The following ROCK2 variants were observed in gnomAD, a reference collection of about 807,000 sequenced individuals.
ROCK2 encodes Rho associated coiled-coil containing protein kinase 2.
In ROCK2, 61 loss-of-function variants were observed where a neutral mutation model predicts 195.1. The ratio of observed to expected loss-of-function variants is 0.31; its 90% CI spans 0.25 to 0.39. The LOEUF (loss-of-function observed/expected upper bound fraction) is 0.39. ROCK2 is among the 10% of genes least tolerant of loss of function. The pLI, the probability that ROCK2 is intolerant of heterozygous loss-of-function variation, is 1.00. For missense variants in ROCK2, 1,109 were observed against 1,637.4 expected, an observed-to-expected ratio of 0.68 and a Z score of 5.57; for synonymous variants, 504 against 545.5, an observed-to-expected ratio of 0.92 and a Z score of 1.06.
chr2:11,311,596 T>C (rs1572393864), intron 1 of ROCK2, among the ~76,000 whole-genome samples: 1 of 152,170 alleles, frequency 6.6e-6, no homozygotes, highest in Admixed American at 6.5e-5. Flanking sequence ...TAGATTAAGG[T>C]AGTCTGCCTC....
chr2:11,268,831 CG>C (rs896755002), intron 3 of ROCK2, among the ~76,000 whole-genome samples: 6 of 152,184 alleles, frequency 3.9e-5, no homozygotes, highest in Admixed American at 3.3e-4. Flanking sequence ...CATCAAAATT[CG>C]GGAGTTTACA....
At chr2:11,226,912 G>C (rs1427754715) in intron 6 of ROCK2, among the ~76,000 whole-genome samples, 1 of 100,792 alleles carries the variant, frequency 9.9e-6, no homozygotes, top group South Asian at 3.2e-4. Flanking sequence ...CCCTGCCTCA[G>C]AAAAAAAAAA....
rs752863530 is a variant in ROCK2 at position 11,224,324 on chromosome 2, A to G, written c.1005T>C (p.Asp335=). 8.1e-6 allele frequency: 13 copies of G among 1,610,320 alleles called. No individual in the cohort carries two copies. The South Asian group carries it at 1.2e-4, about 15-fold the overall frequency. ...AKNLICAFLT[D]REVRLGRNGV... is the part of the protein sequence containing the mutation. ...CAAAGAAATTCAATGTACATTACCT[A>G]TCTGTTAAGAAAGCACAGATGAGAT... is the stretch of plus-strand genomic sequence containing the variant. The change falls in exon 7 of 33, where the codon GAT becomes GAC. Residue 335 remains aspartate, a splice_region_variant and synonymous_variant. Coordinates refer to ENST00000315872, the MANE Select transcript of ROCK2 (RefSeq NM_004850.5).
At chr2:11,328,765 T>C (rs895866707) in intron 1 of ROCK2, among the ~76,000 whole-genome samples, 2 of 152,160 alleles carry the variant, frequency 1.3e-5, no homozygotes, top group African/African-American at 4.8e-5. Context: ...ATGTCCTTTG[T>C]ACAGACATGG....
intron 1 of ROCK2, among the ~76,000 whole-genome samples, chr2:11,322,702 A>T (rs1572407326): frequency 1.3e-5 from 2 of 152,336 alleles, no homozygotes; most frequent in East Asian, 3.9e-4. Flanking sequence ...AAGTACCTGG[A>T]CTATGTCTTA....
At position 11,287,683 on chromosome 2, in the gene ROCK2, GT is replaced by G; in HGVS notation, c.194del (p.Asn65ThrfsTer4). 3 of 1,292,416 alleles carry G rather than the reference GT, an allele frequency of 2.3e-6. No homozygotes were observed. Among genetic ancestry groups the G allele is most frequent in the Non-Finnish European group, 3.1e-6 (3 of 962,124 alleles). 80.1% of individuals were successfully genotyped at this position (1,292,416 alleles called of 1,614,324 possible). A position where few individuals can be genotyped will look rare whatever the true frequency, so the allele number is the denominator to read the frequency against. On this transcript the variant is annotated frameshift_variant, in exon 2 of 33. Transcript: ENST00000315872. LOFTEE classifies it high-confidence loss of function. ...LDLDFPALRK[N>X]KNIDNFLNRY... ...TATTTAAGAAATTATCTATGTTCTTGTTTTTCCTCAAAGCAGGAAAATCTAA... is the reference window on the plus strand; with the variant it reads ...TATTTAAGAAATTATCTATGTTCTTGTTTTCCTCAAAGCAGGAAAATCTAA...
chr2:11,284,833 C>G (rs571953455), intron 3 of ROCK2, among the ~76,000 whole-genome samples: 1 of 152,308 alleles, frequency 6.6e-6, no homozygotes, highest in East Asian at 1.9e-4. Context: ...TCACTTCTAT[C>G]TGGCCAATGT....
chr2:11,250,680 C>G (rs1472476266), intron 3 of ROCK2, among the ~76,000 whole-genome samples: 2 of 152,180 alleles, frequency 1.3e-5, no homozygotes, highest in Non-Finnish European at 2.9e-5. Flanking sequence ...AAACCTCTGG[C>G]ACCTCTTTTT....
At chr2:11,232,574 TA>T (rs1325924040) in intron 5 of ROCK2, among the ~76,000 whole-genome samples, 1 of 152,226 alleles carries the variant, frequency 6.6e-6, no homozygotes, top group Non-Finnish European at 1.5e-5. Context: ...TAGTTTTTAA[TA>T]AAAAACTCTT....
chr2:11,242,622 T>C (rs775130778), intron 4 of ROCK2, among the ~76,000 whole-genome samples: 18 of 152,110 alleles, frequency 1.2e-4, no homozygotes, highest in Non-Finnish European at 2.1e-4. Flanking sequence ...ATACACAGCA[T>C]CCCACCTTAA....
rs148601850 is a variant in ROCK2, at chr2:11,310,984, C to T, written c.142-23248G>A. 2.9e-3 allele frequency among the ~76,000 whole-genome samples: 446 copies of T among 151,526 alleles called. 3 individuals are homozygous for T. The highest frequency in any genetic ancestry group is 0.01 in the African/African-American group (425 of 41,246). ...TTTTGTCCTGTCTCTGAGCCACAGC[C>T]TGCATCCTAGATTTCACCAGTAATA... On this transcript the variant is annotated intron_variant, in intron 1 of 32. Coordinates refer to ENST00000315872, the MANE Select transcript of ROCK2 (RefSeq NM_004850.5).
intron 32 of ROCK2, among the ~76,000 whole-genome samples, chr2:11,188,116 T>TA (rs1663267707): frequency 6.7e-6 from 1 of 148,494 alleles, no homozygotes; most frequent in Non-Finnish European, 1.5e-5. Flanking sequence ...TTTTTTTTTT[T>TA]TTTTTTTTTT....
chr2:11,244,405 A>G (rs927471143), intron 4 of ROCK2, among the ~76,000 whole-genome samples: 7 of 152,186 alleles, frequency 4.6e-5, no homozygotes, highest in Non-Finnish European at 7.3e-5. Context: ...GGGATTCAAT[A>G]TACTTTTTTC....
chr2:11,188,648 C>T (rs1425579416), intron 32 of ROCK2, among the ~76,000 whole-genome samples: 8 of 150,484 alleles, frequency 5.3e-5, no homozygotes, highest in South Asian at 2.1e-4. Flanking sequence ...TTTTTTGAGA[C>T]GGAGTCTCAC....
intron 1 of ROCK2, among the ~76,000 whole-genome samples, chr2:11,318,084 T>G (rs1452287233): frequency 1.3e-5 from 2 of 152,186 alleles, no homozygotes; most frequent in East Asian, 3.8e-4. Context: ...CGTGTGCATG[T>G]GTCTTTACAG....
chr2:11,201,312 T>G lies in ROCK2; in HGVS notation c.2721A>C (p.Glu907Asp). ...LQQKKQELQD[E>D]RDSLAAQLEI... ...AGAGACAAGGGTCTCATACTTACCG[T>G]TCATCCTGTAATTCCTGTTTCTTCT... Residue 907 changes from glutamate to aspartate, a missense_variant and splice_region_variant, in exon 22 of 33, where the codon GAA becomes GAC. Coordinates refer to ENST00000315872, the MANE Select transcript of ROCK2 (RefSeq NM_004850.5). This position sits in a 1 kb window ranked among gnomAD's most constrained non-coding sequence, Gnocchi z 4.6. 6.2e-7 allele frequency: 1 copy of G among 1,605,368 alleles called. No homozygotes were observed. The highest frequency in any genetic ancestry group is 1.1e-5 in the South Asian group (1 of 90,908).
In ROCK2 at chr2:11,197,619, C is replaced by T. The variant is rs1416784787; in HGVS notation, c.3186G>A (p.Glu1062=). 6.2e-7 allele frequency: 1 copy of T among 1,613,734 alleles called. No individual in the cohort carries two copies. The highest frequency in any genetic ancestry group is 8.5e-7 in the Non-Finnish European group (1 of 1,179,814). ...TAAGCTCCATATGTAGCTTTCTATTCTCCTTCTCTTTTCTCCGCACATCTG... is the reference window on the plus strand; with the variant it reads ...TAAGCTCCATATGTAGCTTTCTATTTTCCTTCTCTTTTCTCCGCACATCTG... ...NDTDVRRKEK[E]NRKLHMELKS... Residue 1062 remains glutamate (E), a synonymous_variant, in exon 26 of 33, where the codon GAG becomes GAA. Transcript: ENST00000315872. This position sits in a 1 kb window ranked among gnomAD's most constrained non-coding sequence, Gnocchi z 4.9.
At chr2:11,261,966 T>C (rs1028903294) in intron 3 of ROCK2, among the ~76,000 whole-genome samples, 3 of 152,232 alleles carry the variant, frequency 2.0e-5, no homozygotes, top group Non-Finnish European at 4.4e-5. Flanking sequence ...CATAGAGTTA[T>C]TGCATAGATA....
chr2:11,216,241 C>G, intron 12 of ROCK2, 35 bp from the exon 13 acceptor site: 1 of 1,388,896 alleles, frequency 7.2e-7, no homozygotes, highest in Non-Finnish European at 1.0e-6. Flanking sequence ...TAAATAACTT[C>G]TAATTTACAA....
Sources: allele counts gnomAD v4.1 joint callset (sites outside exome capture counted in the v4.1 genomes callset), GRCh38; gene constraint gnomAD v4.1.1; non-coding constraint Gnocchi (gnomAD v3.1); transcripts MANE v1.5; gene names NCBI Gene and HGNC (gene_info 2026-07-23, HGNC 2026-07-21).